Variants in CA5A observed in about 807,000 individuals in gnomAD.
CA5A encodes carbonic anhydrase 5A, also known as carbonic anhydrase 5A, mitochondrial.
CA5A carries 28 observed loss-of-function variants against 37.1 expected under a neutral mutation model. The ratio of observed to expected loss-of-function variants is 0.75; its 90% CI spans 0.56 to 1.03. CA5A has a LOEUF of 1.03. CA5A is among the 50% of genes least tolerant of loss of function. The probability of loss-of-function intolerance (pLI) is 0.00; values close to 1 mark genes in which losing one functional copy is unlikely to be tolerated. For missense variants in CA5A, 444 were observed against 399.9 expected, an observed-to-expected ratio of 1.11 and a Z score of -0.94; for synonymous variants, 171 against 158.4, an observed-to-expected ratio of 1.08 and a Z score of -0.60.
intron 5 of CA5A, among the ~76,000 whole-genome samples, chr16:87,901,568 A>G (rs186755182): frequency 1.1e-3 from 168 of 150,830 alleles, no homozygotes; most frequent in African/African-American, 4.0e-3. Flanking sequence ...TTGTCAGATT[A>G]TACTGATTTC....
chr16:87,886,500 G>T (rs528315433), downstream of CA5A: 3 of 152,124 alleles, frequency 2.0e-5, no homozygotes, highest in African/African-American at 7.2e-5. Context: ...ATTTTTGTGT[G>T]TGCTGTGAGG....
At chr16:87,894,542 G>A (rs1305024018) in intron 5 of CA5A, among the ~76,000 whole-genome samples, 3 of 151,316 alleles carry the variant, frequency 2.0e-5, no homozygotes, top group Non-Finnish European at 4.4e-5. Context: ...TTCTATGCAC[G>A]CATGTTCACG....
intron 2 of CA5A, among the ~76,000 whole-genome samples, chr16:87,919,599 A>T (rs1032209106): frequency 1.3e-5 from 2 of 152,186 alleles, no homozygotes; most frequent in African/African-American, 4.8e-5. Flanking sequence ...GAGCCCTGGC[A>T]GTCGACGACC....
rs2055937635 is a variant in CA5A, at chr16:87,904,924, G to A, written c.341-20C>T. 6.8e-7 allele frequency: 1 copy of A among 1,476,202 alleles called. No homozygotes were observed. Among genetic ancestry groups the A allele is most frequent in the Non-Finnish European group, 9.5e-7 (1 of 1,053,954 alleles). 91.4% of individuals were successfully genotyped at this position (1,476,202 alleles called of 1,614,324 possible). The stretch of plus-strand genomic sequence containing the variant: ...TAATTCCTGGAAATAAAGGCAGTGA[G>A]ACGTGTGTGTCATTTTGTCTGTTTG... On this transcript the variant is annotated intron_variant, in intron 2 of 6. Transcript: ENST00000649794.
rs1203551356 is a variant in CA5A, at chr16:87,902,129, G to A, written c.556-155C>T. Reference sequence around the variant, plus strand: ...AGCACTGTGGGAGGCCGAGGTGGGCGGATCATCTAAGGTCAGGAGTTCGAA... The same window carrying A: ...AGCACTGTGGGAGGCCGAGGTGGGCAGATCATCTAAGGTCAGGAGTTCGAA... On this transcript the variant is annotated intron_variant, in intron 4 of 6. Coordinates refer to ENST00000649794, the MANE Select transcript of CA5A (RefSeq NM_001739.2). 5.9e-5 allele frequency among the ~76,000 whole-genome samples: 9 copies of A among 152,086 alleles called. No homozygotes were observed. In the South Asian group the frequency reaches 1.2e-3, roughly 21 times the overall value.
chr16:87,898,469 A>T (rs1215444329), intron 5 of CA5A, among the ~76,000 whole-genome samples: 1 of 152,164 alleles, frequency 6.6e-6, no homozygotes, highest in Non-Finnish European at 1.5e-5. Flanking sequence ...CTAAAATTTC[A>T]TGGGCTCCCA....
At chr16:87,917,986 C>T (rs2056178095) in intron 2 of CA5A, among the ~76,000 whole-genome samples, 1 of 152,236 alleles carries the variant, frequency 6.6e-6, no homozygotes, top group Non-Finnish European at 1.5e-5. Flanking sequence ...GCCACAGTCC[C>T]AGTCCCGACA....
intron 5 of CA5A, among the ~76,000 whole-genome samples, chr16:87,897,449 G>C (rs113445800): frequency 3.3e-5 from 5 of 151,894 alleles, no homozygotes; most frequent in African/African-American, 1.2e-4. Context: ...CTGTGCCTGC[G>C]TGCTGGGAGC....
At chr16:87,901,099 G>T (rs368806117) in intron 5 of CA5A, among the ~76,000 whole-genome samples, 1 of 152,126 alleles carries the variant, frequency 6.6e-6, no homozygotes, top group African/African-American at 2.4e-5. Context: ...GTATGGTGGC[G>T]CACACCTATT....
At chr16:87,893,557 C>T (rs1567515625) in intron 5 of CA5A, 10 of 617,210 alleles carry the variant, frequency 1.6e-5, no homozygotes, top group Non-Finnish European at 2.4e-5. Flanking sequence ...CAGGCCTCGG[C>T]CTAAAGGTCT....
At chr16:87,881,796 G>A (rs2055609651) in exon 5 of CA5A, 2 of 152,246 alleles carry the variant, frequency 1.3e-5, no homozygotes, top group African/African-American at 4.8e-5. Context: ...CTCTCGGCGT[G>A]TTTGTGGTTT....
intron 5 of CA5A, 168 bp from the exon 6 acceptor site, chr16:87,892,122 A>C: frequency 1.8e-6 from 1 of 542,202 alleles, no homozygotes; most frequent in Non-Finnish European, 3.1e-6. Flanking sequence ...AGAAAATGTG[A>C]CCCTTCTATA....
At chr16:87,913,821 T>G (rs2056088273) in intron 2 of CA5A, among the ~76,000 whole-genome samples, 1 of 152,198 alleles carries the variant, frequency 6.6e-6, no homozygotes, top group Non-Finnish European at 1.5e-5. Context: ...GCAGGCTCGC[T>G]GAGTAGACCA....
chr16:87,894,620 T>G (rs1041219269), intron 5 of CA5A, among the ~76,000 whole-genome samples: 1 of 150,942 alleles, frequency 6.6e-6, no homozygotes, highest in Non-Finnish European at 1.5e-5. Context: ...GGCTCATGCC[T>G]GTAATCGCAG....
At chr16:87,923,153 T>G (rs898119244) in intron 2 of CA5A, among the ~76,000 whole-genome samples, 1 of 152,220 alleles carries the variant, frequency 6.6e-6, no homozygotes, top group African/African-American at 2.4e-5. Context: ...CTCTCTCTAG[T>G]GGCTTCTGTT....
chr16:87,882,148 G>A (rs1262256262), intron 4 of CA5A: 1 of 152,188 alleles, frequency 6.6e-6, no homozygotes, highest in Non-Finnish European at 1.5e-5. Flanking sequence ...CAAGCCCCAG[G>A]TTCAGAGACC....
At chr16:87,894,439 T>A (rs953247494) in intron 5 of CA5A, among the ~76,000 whole-genome samples, 1 of 152,054 alleles carries the variant, frequency 6.6e-6, no homozygotes, top group African/African-American at 2.4e-5. Context: ...GCTTGTCTCC[T>A]AACATCAAGC....
chr16:87,904,604 C>G (rs1323572409), intron 3 of CA5A, among the ~76,000 whole-genome samples, 182 bp downstream of exon 3: 3 of 152,184 alleles, frequency 2.0e-5, no homozygotes, highest in African/African-American at 7.2e-5. Flanking sequence ...CAGCGCCTTC[C>G]TCGTAGGAGA....
At chr16:87,913,551 A>T (rs896403907) in intron 2 of CA5A, among the ~76,000 whole-genome samples, 2 of 152,120 alleles carry the variant, frequency 1.3e-5, no homozygotes, top group Admixed American at 6.6e-5. Flanking sequence ...TCAGCATTTC[A>T]GATGGAAAAG....
Sources: gnomAD v4.1 joint callset for allele counts (sites outside exome capture counted in the v4.1 genomes callset) on GRCh38, gnomAD v4.1.1 for gene constraint, MANE v1.5 for transcripts, NCBI Gene and HGNC (gene_info 2026-07-23, HGNC 2026-07-21) for gene names.